CAMKK1: variants seen among roughly 807,000 people sequenced by gnomAD.
The protein encoded by CAMKK1 is calcium/calmodulin dependent protein kinase kinase 1, also known as calcium/calmodulin-dependent protein kinase kinase 1.
In CAMKK1, 20 loss-of-function variants were observed where a neutral mutation model predicts 63.5. That is an observed-to-expected ratio of 0.32 (90% CI 0.22 to 0.46). The LOEUF (loss-of-function observed/expected upper bound fraction) is 0.46, where lower values mean the gene tolerates loss of function less well. CAMKK1 is among the 20% of genes least tolerant of loss of function. The pLI is 1.00. For synonymous variants in CAMKK1, 253 were observed against 269.0 expected (o/e 0.94, Z 0.58); for missense variants, 588 against 658.1 (o/e 0.89, Z 1.17).
At chr17:3,872,709 G>T in intron 11 of CAMKK1, 82 bp from the exon 12 acceptor site, 1 of 1,215,226 alleles carries the variant, frequency 8.2e-7, no homozygotes, top group Non-Finnish European at 1.2e-6. Context: ...CCCTTGGTGG[G>T]GGCAGGGGTA....
rs571855514 is a variant in CAMKK1 at position 3,879,539 on chromosome 17, A to G, written c.796+807T>C. The G allele has an allele frequency of 9.2e-5, 14 of 152,360 alleles. No homozygotes were observed. In the East Asian group the frequency reaches 2.7e-3, roughly 29 times the overall value. The allele number at this position is 152,360 out of a possible 1,614,324, so 9.4% of individuals were successfully genotyped here. A position where few individuals can be genotyped will look rare whatever the true frequency, so the allele number is the denominator to read the frequency against. On this transcript the variant is annotated intron_variant, in intron 9 of 15. Transcript: ENST00000348335. This position sits in a 1 kb window ranked among gnomAD's most constrained non-coding sequence, Gnocchi z 4.5. ...GACAGTGTTTCCAGCATCATCTTTC[A>G]CTAACCACGGCCCTCCTCTGCCCAC...
At position 3,889,516 on chromosome 17, in the gene CAMKK1, C is replaced by T. The variant is rs992568254; in HGVS notation, c.-44+3423G>A. Among the ~76,000 whole-genome samples, 4 of 152,084 alleles carry T rather than the reference C, an allele frequency of 2.6e-5. No individual in the cohort carries two copies. The highest frequency in any genetic ancestry group is 3.9e-4 in the East Asian group (2 of 5,162). Reference sequence around the variant, plus strand: ...CTCTTGGAGCCTCTGTTTCCTAACACGTGCATCAAGCAGAAGGCCACTGTC... The same window carrying T: ...CTCTTGGAGCCTCTGTTTCCTAACATGTGCATCAAGCAGAAGGCCACTGTC... On this transcript the variant is annotated intron_variant, in intron 1 of 15. Coordinates refer to ENST00000348335, the MANE Select transcript of CAMKK1 (RefSeq NM_032294.3). This position sits in a 1 kb window ranked among gnomAD's most constrained non-coding sequence, Gnocchi z 5.2.
chr17:3,868,275 T>C (rs1052422971), intron 14 of CAMKK1, among the ~76,000 whole-genome samples: 1 of 132,398 alleles, frequency 7.6e-6, no homozygotes, highest in Non-Finnish European at 1.6e-5. Flanking sequence ...AGGCGCCGTC[T>C]AACTGATACG....
chr17:3,876,071 G>T, intron 10 of CAMKK1, 152 bp downstream of exon 10: 1 of 718,372 alleles, frequency 1.4e-6, no homozygotes, highest in South Asian at 1.9e-5. Context: ...GAAGGCCAAA[G>T]TTGTGGAGTT....
At chr17:3,878,437 C>T (rs543940502) in intron 9 of CAMKK1, among the ~76,000 whole-genome samples, 5 of 152,314 alleles carry the variant, frequency 3.3e-5, no homozygotes, top group African/African-American at 1.2e-4. Flanking sequence ...TAGCAGACAA[C>T]AGGACTTCAG....
intron 9 of CAMKK1, 65 bp downstream of exon 9, chr17:3,880,281 C>G (rs1269720761): frequency 7.2e-7 from 1 of 1,395,252 alleles, no homozygotes; most frequent in Non-Finnish European, 1.0e-6. Flanking sequence ...TCTGCTCAGC[C>G]TGGGCTCTGC....
In CAMKK1 at chr17:3,887,053, TC is replaced by T. The variant is rs928323371; in HGVS notation, c.-43-1324del. On this transcript the variant is annotated intron_variant, in intron 1 of 15. Coordinates refer to ENST00000348335, the MANE Select transcript of CAMKK1 (RefSeq NM_032294.3). The surrounding 1 kb of genome is among the most constrained non-coding windows in gnomAD (Gnocchi z 6.1). Reference sequence around the variant, plus strand: ...GTGAAGCGCCTGCTCTACCGCTCGTTCCCCATCCCCTTGCTTTGACAGATGT... The same window carrying T: ...GTGAAGCGCCTGCTCTACCGCTCGTTCCCATCCCCTTGCTTTGACAGATGT... 2.6e-5 allele frequency among the ~76,000 whole-genome samples: 4 copies of T among 152,100 alleles called. No individual in the cohort carries two copies. The highest frequency in any genetic ancestry group is 5.9e-5 in the Non-Finnish European group (4 of 68,012).
intron 1 of CAMKK1, among the ~76,000 whole-genome samples, chr17:3,891,110 G>GT (rs1555545821): frequency 2.5e-5 from 2 of 81,038 alleles, no homozygotes; most frequent in African/African-American, 2.1e-4. Context: ...GGGCAAGGTT[G>GT]GGGGGGGGGT....
chr17:3,875,554 ATTACAGGCATGAGCCACTGTGCCC>A, intron 10 of CAMKK1, among the ~76,000 whole-genome samples: 1 of 152,060 alleles, frequency 6.6e-6, no homozygotes, highest in South Asian at 2.1e-4. Context: ...AAGCACTGGG[ATTACAGGCATGAGCCACTGTGCCC>A]GGCCTCCTGA....
At position 3,882,514 on chromosome 17, in the gene CAMKK1, G is replaced by A; in HGVS notation, c.685+14C>T. On this transcript the variant is annotated intron_variant, in intron 7 of 15. Coordinates refer to ENST00000348335, the MANE Select transcript of CAMKK1 (RefSeq NM_032294.3). The surrounding 1 kb of genome is among the most constrained non-coding windows in gnomAD (Gnocchi z 4.3). ...CCTGAGTGAGCTGCTGTGGGAATGAGCCAGGTCACTCACCCAAATAGAGGT... is the reference window on the plus strand; with the variant it reads ...CCTGAGTGAGCTGCTGTGGGAATGAACCAGGTCACTCACCCAAATAGAGGT... 6.3e-7 allele frequency: 1 copy of A among 1,596,256 alleles called. No individual in the cohort carries two copies.
chr17:3,866,184 T>C (rs899463549), intron 14 of CAMKK1, among the ~76,000 whole-genome samples, 173 bp from the exon 15 acceptor site: 4 of 152,092 alleles, frequency 2.6e-5, no homozygotes, highest in Admixed American at 6.5e-5. Flanking sequence ...GCTGGGGGCA[T>C]ATTCCTGGAA....
chr17:3,871,677 T>TG (rs1179836574), intron 12 of CAMKK1, among the ~76,000 whole-genome samples: 27 of 128,648 alleles, frequency 2.1e-4, no homozygotes, highest in Non-Finnish European at 3.0e-4. Context: ...CTTTCTTCTG[T>TG]TTTTTTTTTT....
Position 3,882,653 on chromosome 17 carries a change from C to A in CAMKK1, c.649-89G>T, listed in dbSNP as rs148548790. The A allele has an allele frequency of 6.4e-6, 8 of 1,252,432 alleles. No homozygotes were observed. The African/African-American group carries it at 1.2e-4, about 19-fold the overall frequency. 77.6% of individuals were successfully genotyped at this position (1,252,432 alleles called of 1,614,324 possible). A position where few individuals can be genotyped will look rare whatever the true frequency, so the allele number is the denominator to read the frequency against. On this transcript the variant is annotated intron_variant, in intron 6 of 15. Transcript: ENST00000348335. This position sits in a 1 kb window ranked among gnomAD's most constrained non-coding sequence, Gnocchi z 4.3. Reference sequence around the variant, plus strand: ...CTCCTGGTCCTTGCCAGCCCCAGAACCCTTAGTATGCATGCAACCACCCCA... The same window carrying A: ...CTCCTGGTCCTTGCCAGCCCCAGAAACCTTAGTATGCATGCAACCACCCCA...
chr17:3,889,708 GCACATATCCCC>G lies in CAMKK1; in HGVS notation c.-44+3220_-44+3230del, dbSNP rs1391080623. On this transcript the variant is annotated intron_variant, in intron 1 of 15. Transcript: ENST00000348335. This position sits in a 1 kb window ranked among gnomAD's most constrained non-coding sequence, Gnocchi z 5.2. ...CTGCCCCCAGCTCCAAGATGGCCTG[GCACATATCCCC>G]CACCCAGGTTTTTCCTCCCAGGCTG... is the stretch of plus-strand genomic sequence containing the variant. Among the ~76,000 whole-genome samples, 3 of 152,118 alleles carry G rather than the reference GCACATATCCCC, an allele frequency of 2.0e-5. No individual in the cohort carries two copies.
At chr17:3,865,399 A>C in intron 15 of CAMKK1, 1 of 991,170 alleles carries the variant, frequency 1.0e-6, no homozygotes, top group Non-Finnish European at 1.2e-6. Context: ...AGCCCCAGCA[A>C]TGGCTGCAGG....
rs549586979 is a variant in CAMKK1 at position 3,860,930 on chromosome 17, T to G, written c.*1281A>C. 130 of 152,284 alleles carry G rather than the reference T, an allele frequency of 8.5e-4. 1 individual carries two copies. The highest frequency in any genetic ancestry group is 3.0e-3 in the African/African-American group (126 of 41,536). The allele number at this position is 152,284 out of a possible 1,614,324, so 9.4% of individuals were successfully genotyped here. ...GTGGCCAAAAGCCCTTGTCCATCCATGTTTCCAGGGCAGTGTCCGAGTCCT... is the reference window on the plus strand; with the variant it reads ...GTGGCCAAAAGCCCTTGTCCATCCAGGTTTCCAGGGCAGTGTCCGAGTCCT... On this transcript the variant is annotated 3_prime_UTR_variant, in exon 16 of 16. Transcript: ENST00000348335.
chr17:3,867,314 G>A (rs970287976), intron 14 of CAMKK1, among the ~76,000 whole-genome samples: 3 of 152,290 alleles, frequency 2.0e-5, no homozygotes, highest in South Asian at 4.1e-4. Context: ...CCCCTTCCAT[G>A]GCACGTGGCC....
chr17:3,863,332 A>C (rs2054390407), intron 15 of CAMKK1, among the ~76,000 whole-genome samples: 1 of 151,854 alleles, frequency 6.6e-6, no homozygotes, highest in Non-Finnish European at 1.5e-5. Context: ...CCCGTCTCTA[A>C]TAAAAATACA....
intron 14 of CAMKK1, among the ~76,000 whole-genome samples, chr17:3,868,033 T>C (rs1389593147): frequency 1.1e-4 from 13 of 113,058 alleles, no homozygotes; most frequent in African/African-American, 3.1e-4. Context: ...GCAGGCGCCG[T>C]CTAACTGATA....
Sources: gnomAD v4.1 joint callset for allele counts (sites outside exome capture counted in the v4.1 genomes callset) on GRCh38, gnomAD v4.1.1 for gene constraint, Gnocchi (gnomAD v3.1) non-coding constraint, MANE v1.5 for transcripts, NCBI Gene and HGNC (gene_info 2026-07-23, HGNC 2026-07-21) for gene names.